The following KAT2B variants were observed in gnomAD, a reference collection of about 807,000 sequenced individuals.
The protein encoded by KAT2B is lysine acetyltransferase 2B.
In KAT2B, 36 loss-of-function variants were observed where a neutral mutation model predicts 105.9. That is an observed-to-expected ratio of 0.34 (90% CI 0.26 to 0.45). The LOEUF (loss-of-function observed/expected upper bound fraction) is 0.45, where lower values mean the gene tolerates loss of function less well. Among genes scored for constraint, KAT2B ranks in the 20% least tolerant of loss-of-function variants. The probability of loss-of-function intolerance (pLI) is 1.00; values close to 1 mark genes in which losing one functional copy is unlikely to be tolerated. For missense variants in KAT2B, 820 were observed against 1,021.6 expected (o/e 0.80, Z 2.69); for synonymous variants, 397 against 377.9 (o/e 1.05, Z -0.59).
intron 5 of KAT2B, among the ~76,000 whole-genome samples, chr3:20,105,142 TC>T (rs1698977799): frequency 6.6e-6 from 1 of 152,182 alleles, no homozygotes. Flanking sequence ...TACCTCGTCC[TC>T]CTAAAGTGCT....
At chr3:20,111,839 TA>T in intron 6 of KAT2B, 52 bp downstream of exon 6, 1 of 1,396,466 alleles carries the variant, frequency 7.2e-7, no homozygotes, top group Non-Finnish European at 1.0e-6. Flanking sequence ...TTGAGGTTGC[TA>T]AATACAATGC....
intron 1 of KAT2B, among the ~76,000 whole-genome samples, chr3:20,058,074 C>T (rs892259781): frequency 6.6e-6 from 1 of 152,110 alleles, no homozygotes; most frequent in Admixed American, 6.5e-5. Context: ...TCATGATATG[C>T]TTTCCACTCT....
intron 1 of KAT2B, among the ~76,000 whole-genome samples, chr3:20,062,125 T>TATA (rs1698128566): frequency 1.4e-5 from 1 of 73,960 alleles, no homozygotes; most frequent in Non-Finnish European, 2.3e-5. Context: ...ATAAAACATA[T>TATA]ATATATAAAA....
At chr3:20,106,438 TACAC>T (rs10554524) in intron 5 of KAT2B, among the ~76,000 whole-genome samples, 2,303 of 145,636 alleles carry the variant, frequency 0.016, 44 homozygotes, top group African/African-American at 0.042. Flanking sequence ...ACACCAGAAG[TACAC>T]ACACACACAC....
intron 2 of KAT2B, among the ~76,000 whole-genome samples, chr3:20,083,327 T>C (rs1260969665): frequency 1.3e-5 from 2 of 152,180 alleles, no homozygotes; most frequent in African/African-American, 4.8e-5. Context: ...TTTTAGATAA[T>C]TGAAGGGAGC....
chr3:20,108,980 G>A (rs990937913), intron 5 of KAT2B, among the ~76,000 whole-genome samples: 1 of 152,072 alleles, frequency 6.6e-6, no homozygotes, highest in Non-Finnish European at 1.5e-5. Flanking sequence ...GCAATCCCTG[G>A]TGCCAAAAAA....
At chr3:20,093,148 T>C (rs191326192) in intron 2 of KAT2B, among the ~76,000 whole-genome samples, 10 of 152,308 alleles carry the variant, frequency 6.6e-5, no homozygotes, top group South Asian at 4.1e-4. Flanking sequence ...AGAAACAGAC[T>C]CTGAGACAAG....
At chr3:20,119,512 T>C (rs1699268424) in intron 7 of KAT2B, 86 bp from the exon 8 acceptor site, 2 of 1,411,038 alleles carry the variant, frequency 1.4e-6, no homozygotes, top group African/African-American at 1.4e-5. Flanking sequence ...TGGGCAGGAG[T>C]GGGGTGGTCC....
At chr3:20,055,967 TAATTTC>T (rs1697997125) in intron 1 of KAT2B, among the ~76,000 whole-genome samples, 3 of 152,326 alleles carry the variant, frequency 2.0e-5, no homozygotes, top group East Asian at 1.9e-4. Context: ...CATTGGTAGT[TAATTTC>T]TATTTATTGC....
At chr3:20,140,453 T>C in intron 13 of KAT2B, 89 bp downstream of exon 13, 1 of 1,326,092 alleles carries the variant, frequency 7.5e-7, no homozygotes, top group Non-Finnish European at 1.1e-6. Context: ...GTGTATGTGT[T>C]TACTGGATAG....
At chr3:20,065,568 A>C (rs1263688154) in intron 1 of KAT2B, among the ~76,000 whole-genome samples, 3 of 144,510 alleles carry the variant, frequency 2.1e-5, no homozygotes, top group Non-Finnish European at 4.8e-5. Flanking sequence ...AAGAGCATTG[A>C]CTGTTTTTTA....
At chr3:20,126,579 T>C (rs1699408523) in intron 10 of KAT2B, among the ~76,000 whole-genome samples, 2 of 151,384 alleles carry the variant, frequency 1.3e-5, no homozygotes, top group South Asian at 4.2e-4. Flanking sequence ...TCCCAGCATT[T>C]TGGGAGGCTG....
intron 2 of KAT2B, among the ~76,000 whole-genome samples, chr3:20,076,907 C>T (rs1042080995): frequency 5.3e-5 from 8 of 152,116 alleles, no homozygotes; most frequent in African/African-American, 1.7e-4. Flanking sequence ...ATTGTACACA[C>T]GAAATGAAAT....
At chr3:20,123,284 C>T (rs940942068) in intron 9 of KAT2B, among the ~76,000 whole-genome samples, 3 of 152,168 alleles carry the variant, frequency 2.0e-5, no homozygotes, top group Non-Finnish European at 2.9e-5. Flanking sequence ...ACTATTTTTG[C>T]ATGTACTGTA....
chr3:20,111,307 T>C (rs759129425), intron 5 of KAT2B, among the ~76,000 whole-genome samples: 1 of 152,210 alleles, frequency 6.6e-6, no homozygotes, highest in Non-Finnish European at 1.5e-5. Context: ...GTTATGCAGC[T>C]AGTTAAGTGA....
chr3:20,085,667 C>A (rs2125189995), intron 2 of KAT2B, among the ~76,000 whole-genome samples: 1 of 152,024 alleles, frequency 6.6e-6, no homozygotes, highest in East Asian at 2.0e-4. Flanking sequence ...TGCACCACCA[C>A]ACCCGGCTAT....
chr3:20,108,138 TAATTC>T (rs1173749253), intron 5 of KAT2B, among the ~76,000 whole-genome samples: 4 of 152,202 alleles, frequency 2.6e-5, no homozygotes, highest in African/African-American at 9.7e-5. Context: ...TCACACATCT[TAATTC>T]AGTAGCTAAA....
At chr3:20,088,966 G>T (rs777440493) in intron 2 of KAT2B, among the ~76,000 whole-genome samples, 4 of 152,068 alleles carry the variant, frequency 2.6e-5, no homozygotes, top group African/African-American at 9.7e-5. Context: ...GTGGATATCC[G>T]GTTGTCCCAA....
At chr3:20,125,716 T>A (rs1699390147) in intron 9 of KAT2B, among the ~76,000 whole-genome samples, 189 bp from the exon 10 acceptor site, 1 of 152,226 alleles carries the variant, frequency 6.6e-6, no homozygotes, top group South Asian at 2.1e-4. Context: ...CTGCCTTTTC[T>A]GTCTTGTCTT....
Sources: allele counts gnomAD v4.1 joint callset (sites outside exome capture counted in the v4.1 genomes callset), GRCh38; gene constraint gnomAD v4.1.1; transcripts MANE v1.5; gene names NCBI Gene and HGNC (gene_info 2026-07-23, HGNC 2026-07-21).